DNAAF1: variants seen among roughly 807,000 people sequenced by gnomAD.
DNAAF1 encodes dynein axonemal assembly factor 1.
In DNAAF1, 65 loss-of-function variants were observed where a neutral mutation model predicts 71.1. The ratio of observed to expected loss-of-function variants is 0.91; its 90% CI spans 0.75 to 1.12. The LOEUF (loss-of-function observed/expected upper bound fraction) is 1.12. Ranked by LOEUF, DNAAF1 falls within the 50% of genes most tolerant of loss-of-function variation. The pLI is 0.00. For synonymous variants in DNAAF1, 414 were observed against 354.6 expected (o/e 1.17, Z -1.88); for missense variants, 1,178 against 899.8 (o/e 1.31, Z -3.96).
intron 5 of DNAAF1, among the ~76,000 whole-genome samples, chr16:84,156,030 C>G (rs925133534): frequency 1.3e-5 from 2 of 152,018 alleles, no homozygotes; most frequent in Non-Finnish European, 2.9e-5. Flanking sequence ...GTGGCATGAA[C>G]TCCGCCCACT....
In DNAAF1 at chr16:84,170,056, C is replaced by T; in HGVS notation, c.1228C>T (p.Pro410Ser). The change falls in exon 8 of 12, where the codon CCA becomes TCA. Residue 410 changes from proline (P) to serine (S), a missense_variant. By Grantham distance (74) the Pro-to-Ser change is moderately conservative (BLOSUM62 -1). Transcript: ENST00000378553. ...PVEAKREDGGPEPEGTLPAET... is the reference protein window; with the variant it reads ...PVEAKREDGGSEPEGTLPAET... ...GGAGGCTAAAAGAGAGGATGGAGGTCCAGAGCCAGAGGGGACCCTCCCAGC... is the reference window on the plus strand; with the variant it reads ...GGAGGCTAAAAGAGAGGATGGAGGTTCAGAGCCAGAGGGGACCCTCCCAGC... 1 of 1,613,806 alleles carries T rather than the reference C, an allele frequency of 6.2e-7. No individual in the cohort carries two copies. Among genetic ancestry groups the T allele is most frequent in the Middle Eastern group, 1.7e-4 (1 of 5,746 alleles).
chr16:84,156,033 C>T (rs1022149788), intron 5 of DNAAF1, among the ~76,000 whole-genome samples: 33 of 152,130 alleles, frequency 2.2e-4, no homozygotes, highest in Admixed American at 5.2e-4. Flanking sequence ...GCATGAACTC[C>T]GCCCACTGCA....
Position 84,172,310 on chromosome 16 carries a change from G to C in DNAAF1, c.1579G>C (p.Asp527His), listed in dbSNP as rs1597483376. ...TGAGGGTGTATTCGTTACAGAACTT[G>C]ATGGAACGAGAACGGAAGATTTAGA... ...ATEGVFVTEL[D>H]GTRTEDLETI... The change falls in exon 9 of 12, where the codon GAT becomes CAT. Residue 527 changes from aspartate (D) to histidine (H), a missense_variant. By Grantham distance (81) the Asp-to-His change is moderately conservative (BLOSUM62 -1). Transcript: ENST00000378553. The C allele has an allele frequency of 1.9e-5, 31 of 1,614,096 alleles. No individual in the cohort carries two copies. In the East Asian group the frequency reaches 6.7e-4, roughly 35 times the overall value.
chr16:84,155,399 T>C (rs1369917979), intron 4 of DNAAF1, among the ~76,000 whole-genome samples, 184 bp from the exon 5 acceptor site: 4 of 152,054 alleles, frequency 2.6e-5, no homozygotes, highest in Non-Finnish European at 5.9e-5. Flanking sequence ...TGGCAAGTTT[T>C]TCTACTTTTT....
chr16:84,169,974 C>T lies in DNAAF1; in HGVS notation c.1146C>T (p.Ser382=), dbSNP rs1471839241. ...RQKMELFVKE[S]FEAKDELCPE... ...AGATGGAGCTATTTGTTAAGGAAAG[C>T]TTTGAGGCCAAGGACGAGCTCTGCC... Residue 382 remains serine, a synonymous_variant, in exon 8 of 12, where the codon AGC becomes AGT. Transcript: ENST00000378553. 1 of 1,614,092 alleles carries T rather than the reference C, an allele frequency of 6.2e-7. No homozygotes were observed. Among genetic ancestry groups the T allele is most frequent in the Non-Finnish European group, 8.5e-7 (1 of 1,180,054 alleles).
In DNAAF1 at chr16:84,160,796, G is replaced by A. The variant is rs182161285; in HGVS notation, c.863+1000G>A. ...AAAAGTACACAAAAATTAGCCGGGCGTGGTGGTGGGCGCCTGTAGTCCCAG... is the reference window on the plus strand; with the variant it reads ...AAAAGTACACAAAAATTAGCCGGGCATGGTGGTGGGCGCCTGTAGTCCCAG... On this transcript the variant is annotated intron_variant, in intron 6 of 11. Coordinates refer to ENST00000378553, the MANE Select transcript of DNAAF1 (RefSeq NM_178452.6). Among the ~76,000 whole-genome samples, 531 of 151,064 alleles carry A rather than the reference G, an allele frequency of 3.5e-3. 5 individuals carry two copies. Among genetic ancestry groups the A allele is most frequent in the African/African-American group, 0.012 (501 of 40,760 alleles).
Position 84,176,247 on chromosome 16 carries a change from A to C in DNAAF1, c.2013A>C (p.Pro671=), listed in dbSNP as rs751402395. Reference sequence around the variant, plus strand: ...CCACCTGCCAAAGAGATGCTGCACCACTCACTTCCAGTGGAGACAGGGACA... The same window carrying C: ...CCACCTGCCAAAGAGATGCTGCACCCCTCACTTCCAGTGGAGACAGGGACA... ...MPPTCQRDAA[P]LTSSGDRDSD... Residue 671 remains proline (P), a synonymous_variant, in exon 11 of 12, where the codon CCA becomes CCC. Coordinates refer to ENST00000378553, the MANE Select transcript of DNAAF1 (RefSeq NM_178452.6). 1.9e-6 allele frequency: 3 copies of C among 1,613,440 alleles called. No individual in the cohort carries two copies. Among genetic ancestry groups the C allele is most frequent in the Non-Finnish European group, 2.5e-6 (3 of 1,180,002 alleles).
At position 84,172,290 on chromosome 16, in the gene DNAAF1, G is replaced by GTTC; in HGVS notation, c.1560_1561insTCT (p.Gly520_Val521insSer). 1 of 1,614,170 alleles carries GTTC rather than the reference G, an allele frequency of 6.2e-7. No individual in the cohort carries two copies. Among genetic ancestry groups the GTTC allele is most frequent in the Non-Finnish European group, 8.5e-7 (1 of 1,180,036 alleles). On this transcript the variant is annotated inframe_insertion, in exon 9 of 12. Coordinates refer to ENST00000378553, the MANE Select transcript of DNAAF1 (RefSeq NM_178452.6). ...ACTCCCCAGGCTGTGGCCACTGAGGGTGTATTCGTTACAGAACTTGATGGA... is the reference window on the plus strand; with the variant it reads ...ACTCCCCAGGCTGTGGCCACTGAGGGTTCTGTATTCGTTACAGAACTTGATGGA...
chr16:84,166,035 GAAT>G, intron 7 of DNAAF1, 86 bp downstream of exon 7: 2 of 1,235,024 alleles, frequency 1.6e-6, no homozygotes, highest in Non-Finnish European at 2.3e-6. Flanking sequence ...TTAATCTTGG[GAAT>G]TTTTTTTTTT....
At position 84,170,150 on chromosome 16, in the gene DNAAF1, C is replaced by T. The variant is rs756639466; in HGVS notation, c.1322C>T (p.Thr441Ile). The T allele has an allele frequency of 2.5e-6, 4 of 1,585,604 alleles. No individual in the cohort carries two copies. The Admixed American group carries it at 6.8e-5, about 27-fold the overall frequency. ...GEDGDGEPEG[T>I]LPAEAPPPPP... is the part of the protein sequence containing the mutation. The stretch of plus-strand genomic sequence containing the variant: ...GACGGAGATGGAGAGCCAGAGGGGA[C>T]CCTCCCAGCTGAGGCCCCACCACCC... Residue 441 changes from threonine (T) to isoleucine (I), a missense_variant, in exon 8 of 12, where the codon ACC becomes ATC. Physicochemically the swap from Thr to Ile is moderately conservative, Grantham distance 89 (BLOSUM62 -1). Transcript: ENST00000378553.
At chr16:84,157,440 T>G (rs926650512) in intron 5 of DNAAF1, among the ~76,000 whole-genome samples, 1 of 151,234 alleles carries the variant, frequency 6.6e-6, no homozygotes, top group Non-Finnish European at 1.5e-5. Context: ...TGAGAATTGC[T>G]TGAACCCAGG....
rs754962040 is a variant in DNAAF1, at chr16:84,166,009, C to G, written c.1030+60C>G. On this transcript the variant is annotated intron_variant, in intron 7 of 11. Coordinates refer to ENST00000378553, the MANE Select transcript of DNAAF1 (RefSeq NM_178452.6). Reference sequence around the variant, plus strand: ...TCCTTTGAGATTAGGCAAGTCTAAGCTCTCAAACCCAGTCTTTAATCTTGG... The same window carrying G: ...TCCTTTGAGATTAGGCAAGTCTAAGGTCTCAAACCCAGTCTTTAATCTTGG... 8.9e-6 allele frequency: 14 copies of G among 1,576,908 alleles called. No individual in the cohort carries two copies. The African/African-American group carries it at 1.4e-4, about 15-fold the overall frequency.
In DNAAF1 at chr16:84,145,490, A is replaced by T; in HGVS notation, c.50A>T (p.Asp17Val). 1 of 1,572,528 alleles carries T rather than the reference A, an allele frequency of 6.4e-7. No homozygotes were observed. Among genetic ancestry groups the T allele is most frequent in the Non-Finnish European group, 8.6e-7 (1 of 1,158,954 alleles). ...EPATGGAAEL[D>V]CAQEPGVEES... The stretch of plus-strand genomic sequence containing the variant: ...GCGACAGGTGGTGCAGCAGAGCTGG[A>T]TTGCGCGCAGGAGCCCGGCGTGGAG... Residue 17 changes from aspartate (D) to valine (V), a missense_variant, in exon 1 of 12, where the codon GAT becomes GTT. Physicochemically the swap from Asp to Val is radical, Grantham distance 152 (BLOSUM62 -3). Coordinates refer to ENST00000378553, the MANE Select transcript of DNAAF1 (RefSeq NM_178452.6).
intron 2 of DNAAF1, 94 bp downstream of exon 2, chr16:84,149,236 G>T (rs2087068938): frequency 6.6e-7 from 1 of 1,513,268 alleles, no homozygotes; most frequent in African/African-American, 1.4e-5. Context: ...GAGGCTGGTA[G>T]AGATTGAATT....
intron 10 of DNAAF1, chr16:84,175,138 G>A (rs914775287): frequency 3.9e-6 from 1 of 258,520 alleles, no homozygotes; most frequent in East Asian, 9.7e-5. Flanking sequence ...TTACAGGCGT[G>A]AGCCACCGCA....
At chr16:84,172,809 C>G (rs997895801) in intron 9 of DNAAF1, 24 of 1,055,974 alleles carry the variant, frequency 2.3e-5, no homozygotes, top group South Asian at 3.2e-5. Context: ...GGACACCGCC[C>G]AGCAGGTAGC....
At chr16:84,160,662 T>A (rs993032033) in intron 6 of DNAAF1, among the ~76,000 whole-genome samples, 2 of 151,998 alleles carry the variant, frequency 1.3e-5, no homozygotes, top group Non-Finnish European at 2.9e-5. Flanking sequence ...GGGCCGGGCG[T>A]GGTGGCTCAT....
intron 10 of DNAAF1, chr16:84,174,976 C>T (rs2088575757): frequency 2.3e-6 from 1 of 433,404 alleles, no homozygotes; most frequent in Non-Finnish European, 4.3e-6. Flanking sequence ...CTGTCTCAGC[C>T]TCCCAAGTAG....
rs992394287 is a variant in DNAAF1, at chr16:84,172,535, G to A, written c.1644+160G>A. 13 of 1,466,828 alleles carry A rather than the reference G, an allele frequency of 8.9e-6. No individual in the cohort carries two copies. The African/African-American group carries it at 1.7e-4, about 19-fold the overall frequency. 90.9% of individuals were successfully genotyped at this position (1,466,828 alleles called of 1,614,324 possible). A position where few individuals can be genotyped will look rare whatever the true frequency, so the allele number is the denominator to read the frequency against. Reference sequence around the variant, plus strand: ...GCTGGTTAGAAATGCAGACTCCCAGGCCTCACCCCAGGCCCACTGATTAGA... The same window carrying A: ...GCTGGTTAGAAATGCAGACTCCCAGACCTCACCCCAGGCCCACTGATTAGA... On this transcript the variant is annotated intron_variant, in intron 9 of 11. Coordinates refer to ENST00000378553, the MANE Select transcript of DNAAF1 (RefSeq NM_178452.6).
Sources: gnomAD v4.1 joint callset for allele counts (sites outside exome capture counted in the v4.1 genomes callset) on GRCh38, gnomAD v4.1.1 for gene constraint, MANE v1.5 for transcripts, NCBI Gene and HGNC (gene_info 2026-07-23, HGNC 2026-07-21) for gene names.